The following KCNH5 variants were observed in gnomAD, a reference collection of about 807,000 sequenced individuals.
KCNH5 encodes potassium voltage-gated channel subfamily H member 5.
A neutral mutation model predicts 96.1 loss-of-function variants in KCNH5; 46 were observed. The ratio of observed to expected loss-of-function variants is 0.48; its 90% CI spans 0.38 to 0.61. The LOEUF (loss-of-function observed/expected upper bound fraction) is 0.61. Ranked by LOEUF, KCNH5 falls within the 20% of genes least tolerant of loss-of-function variation. The pLI is 0.00. For missense variants in KCNH5, 907 were observed against 1,225.8 expected, an observed-to-expected ratio of 0.74 and a Z score of 3.88; for synonymous variants, 439 against 449.8, an observed-to-expected ratio of 0.98 and a Z score of 0.30.
chr14:62,913,793 T>A (rs1354352077), intron 7 of KCNH5, among the ~76,000 whole-genome samples: 1 of 152,226 alleles, frequency 6.6e-6, no homozygotes, highest in East Asian at 1.9e-4. Flanking sequence ...AATGTATTCA[T>A]CTTTAAAGCA....
chr14:62,987,492 T>C (rs897820546), intron 4 of KCNH5, among the ~76,000 whole-genome samples: 1 of 152,204 alleles, frequency 6.6e-6, no homozygotes, highest in Non-Finnish European at 1.5e-5. Flanking sequence ...ACAGCTTTCT[T>C]ACTGGGAAAT....
At chr14:62,984,000 C>CA (rs1373609964) in intron 5 of KCNH5, among the ~76,000 whole-genome samples, 1 of 152,060 alleles carries the variant, frequency 6.6e-6, no homozygotes, top group African/African-American at 2.4e-5. Flanking sequence ...ATGGCAACAA[C>CA]AAAAAACAGT....
intron 7 of KCNH5, among the ~76,000 whole-genome samples, chr14:62,918,103 G>A (rs553588096): frequency 8.5e-5 from 13 of 152,210 alleles, no homozygotes; most frequent in African/African-American, 3.1e-4. Context: ...GCCATGGGAA[G>A]TTTAAGGTAT....
At chr14:62,780,073 A>G (rs1004795767) in intron 9 of KCNH5, 149 bp from the exon 10 acceptor site, 18 of 477,850 alleles carry the variant, frequency 3.8e-5, no homozygotes, top group Non-Finnish European at 5.6e-5. Flanking sequence ...AACAATACAC[A>G]ATGCTTTCAT....
At position 62,705,308 on chromosome 14, in the gene KCNH5, C is replaced by T. The variant is rs1169195041; in HGVS notation, c.*2200G>A. ...TTTTGAAGCACTGGCTAAAGTTAAA[C>T]TAACAACTTCTATAATCAGATTCTT... On this transcript the variant is annotated 3_prime_UTR_variant, in exon 11 of 11. Coordinates refer to ENST00000322893, the MANE Select transcript of KCNH5 (RefSeq NM_139318.5). 1 of 151,978 alleles carries T rather than the reference C, an allele frequency of 6.6e-6. No homozygotes were observed. The highest frequency in any genetic ancestry group is 1.5e-5 in the Non-Finnish European group (1 of 67,862). 9.4% of individuals were successfully genotyped at this position (151,978 alleles called of 1,614,324 possible). A position where few individuals can be genotyped will look rare whatever the true frequency, so the allele number is the denominator to read the frequency against.
chr14:62,746,866 G>T (rs1386618238), intron 10 of KCNH5, among the ~76,000 whole-genome samples: 2 of 152,258 alleles, frequency 1.3e-5, no homozygotes, highest in Middle Eastern at 3.4e-3. Flanking sequence ...CCTATCAGTG[G>T]CCTCTCTTTA....
chr14:62,751,216 T>C (rs1456889444), intron 10 of KCNH5, among the ~76,000 whole-genome samples: 3 of 152,158 alleles, frequency 2.0e-5, no homozygotes, highest in Non-Finnish European at 1.5e-5. Context: ...GGGTGGGCCA[T>C]TCAAGAGAAA....
intron 10 of KCNH5, among the ~76,000 whole-genome samples, chr14:62,761,358 A>C (rs75912762): frequency 2.5e-5 from 1 of 39,664 alleles, no homozygotes; most frequent in Admixed American, 2.5e-4. Context: ...CACTCTCTCA[A>C]AAAAAAAAAA....
chr14:63,043,335 T>G (rs1891861584), intron 1 of KCNH5, among the ~76,000 whole-genome samples: 1 of 152,148 alleles, frequency 6.6e-6, no homozygotes, highest in Non-Finnish European at 1.5e-5. Context: ...CTCTGAAAAG[T>G]TCTCTCATAG....
intron 8 of KCNH5, among the ~76,000 whole-genome samples, chr14:62,845,312 A>C (rs1370788730): frequency 6.6e-6 from 1 of 152,204 alleles, no homozygotes; most frequent in African/African-American, 2.4e-5. Flanking sequence ...GCAATTAAGG[A>C]ATTTATATTA....
chr14:62,782,717 A>G (rs897051060), intron 9 of KCNH5, among the ~76,000 whole-genome samples: 3 of 152,200 alleles, frequency 2.0e-5, no homozygotes, highest in African/African-American at 7.2e-5. Context: ...AGGCTGAGGC[A>G]GGAGAATGGC....
chr14:62,886,319 G>C (rs142373796), intron 7 of KCNH5, among the ~76,000 whole-genome samples: 43 of 152,308 alleles, frequency 2.8e-4, no homozygotes, highest in African/African-American at 1.0e-3. Context: ...TGTGTAGCAC[G>C]TGAAAATTTG....
chr14:63,010,812 G>A lies in KCNH5; in HGVS notation c.198-4340C>T, dbSNP rs139612845. On this transcript the variant is annotated intron_variant, in intron 2 of 10. Coordinates refer to ENST00000322893, the MANE Select transcript of KCNH5 (RefSeq NM_139318.5). ...TACCTAGCGTAAGAATGGCTATAAC[G>A]ATTGACAGACTTCCAAAGGAGAAAA... Among the ~76,000 whole-genome samples, 597 of 152,258 alleles carry A rather than the reference G, an allele frequency of 3.9e-3. 8 individuals are homozygous for A. The highest frequency in any genetic ancestry group is 0.014 in the African/African-American group (567 of 41,540).
chr14:62,916,524 A>G (rs1201709902), intron 7 of KCNH5, among the ~76,000 whole-genome samples: 1 of 152,212 alleles, frequency 6.6e-6, no homozygotes, highest in Non-Finnish European at 1.5e-5. Flanking sequence ...GGTTCAATGA[A>G]GCCTTTTTAT....
chr14:62,741,208 G>A (rs905135966), intron 10 of KCNH5, among the ~76,000 whole-genome samples: 1 of 152,162 alleles, frequency 6.6e-6, no homozygotes, highest in Non-Finnish European at 1.5e-5. Context: ...TTTGCAAGGT[G>A]TTTGATGTTT....
At chr14:62,933,632 A>G (rs1889622660) in intron 7 of KCNH5, among the ~76,000 whole-genome samples, 2 of 152,208 alleles carry the variant, frequency 1.3e-5, no homozygotes, top group Non-Finnish European at 2.9e-5. Context: ...ACAAAAAGAT[A>G]AATGCCACCA....
At chr14:62,819,749 T>C (rs773653364) in intron 8 of KCNH5, among the ~76,000 whole-genome samples, 8 of 152,222 alleles carry the variant, frequency 5.3e-5, no homozygotes, top group African/African-American at 1.9e-4. Context: ...AGCAGTTACA[T>C]GGTATATACA....
intron 7 of KCNH5, among the ~76,000 whole-genome samples, chr14:62,889,225 C>T (rs982741573): frequency 1.3e-5 from 2 of 152,064 alleles, no homozygotes; most frequent in African/African-American, 4.8e-5. Context: ...AGACAAAAGT[C>T]CAAGGATTTT....
chr14:62,886,590 T>C (rs1349874878), intron 7 of KCNH5, among the ~76,000 whole-genome samples: 1 of 152,226 alleles, frequency 6.6e-6, no homozygotes, highest in Non-Finnish European at 1.5e-5. Flanking sequence ...AAATTCTTCA[T>C]GTTGTCAAGC....
Sources: allele counts gnomAD v4.1 joint callset (sites outside exome capture counted in the v4.1 genomes callset), GRCh38; gene constraint gnomAD v4.1.1; transcripts MANE v1.5; gene names NCBI Gene and HGNC (gene_info 2026-07-23, HGNC 2026-07-21).